The following MPP1 variants were observed in gnomAD, a reference collection of about 807,000 sequenced individuals.
The protein encoded by MPP1 is MAGUK p55 scaffold protein 1, also known as 55 kDa erythrocyte membrane protein.
Under a neutral mutation model 38.2 loss-of-function variants are expected in MPP1, and 6 were observed. The ratio of observed to expected loss-of-function variants is 0.16; its 90% CI spans 0.09 to 0.31. The LOEUF (loss-of-function observed/expected upper bound fraction) is 0.31. Among genes scored for constraint, MPP1 ranks in the 10% least tolerant of loss-of-function variants. The probability of loss-of-function intolerance (pLI) is 1.00; values close to 1 mark genes in which losing one functional copy is unlikely to be tolerated. For synonymous variants in MPP1, 153 were observed against 146.3 expected, an observed-to-expected ratio of 1.05 and a Z score of -0.33; for missense variants, 293 against 368.9, an observed-to-expected ratio of 0.79 and a Z score of 1.69.
intron 1 of MPP1, among the ~76,000 whole-genome samples, chrX:154,803,066 T>C (rs1344034913): frequency 1.8e-5 from 2 of 112,058 alleles, no homozygotes; most frequent in Non-Finnish European, 3.8e-5. Flanking sequence ...CTCATGTAAA[T>C]GTTGCCACAA....
At chrX:154,788,376 C>A (rs782061327) in intron 5 of MPP1, among the ~76,000 whole-genome samples, 58 of 111,190 alleles carry the variant, frequency 5.2e-4, no homozygotes, top group African/African-American at 1.8e-3. Flanking sequence ...AAGAGGATAT[C>A]CAAGTGGAAA....
chrX:154,798,610 C>T (rs1333118061), intron 1 of MPP1, among the ~76,000 whole-genome samples: 3 of 111,957 alleles, frequency 2.7e-5, no homozygotes, highest in East Asian at 2.8e-4. Flanking sequence ...CAAGGAGTTG[C>T]GGGGATGGGG....
chrX:154,779,179 A>C lies in MPP1; in HGVS notation c.1399T>G (p.Ter467GluextTer23), dbSNP rs1044348220. The change falls in exon 12 of 12, where the codon TAA (stop) becomes GAA (glutamate). Residue 467 changes from the stop codon to glutamate (E), a stop_lost. Transcript: ENST00000369534. ...GTGGGTTCCCCCATTCTACAAGCTT[A>C]GTAAACCCAGGAGACAGGCACCCAC... ...PQWVPVSWVY* is the reference protein window; with the variant it reads ...PQWVPVSWVYE 3 of 1,207,047 alleles carry C rather than the reference A, an allele frequency of 2.5e-6. No individual in the cohort carries two copies. The South Asian group carries it at 5.4e-5, about 22-fold the overall frequency.
chrX:154,780,724 G>C (rs1208705158), intron 11 of MPP1, among the ~76,000 whole-genome samples: 1 of 111,509 alleles, frequency 9.0e-6, no homozygotes, highest in East Asian at 2.8e-4. Context: ...AGCAGCTATA[G>C]AGAAAAAGAG....
chrX:154,798,362 A>G (rs1255227006), intron 1 of MPP1, among the ~76,000 whole-genome samples: 1 of 112,541 alleles, frequency 8.9e-6, no homozygotes, highest in Admixed American at 9.4e-5. Context: ...CAAAATCTAT[A>G]AAGAACCAAA....
At chrX:154,783,403 C>T in intron 9 of MPP1, 24 bp downstream of exon 9, 1 of 1,168,131 alleles carries the variant, frequency 8.6e-7, no homozygotes, top group Non-Finnish European at 1.2e-6. Context: ...CACCTCCCCT[C>T]CAAGGTGCCT....
At chrX:154,794,100 G>A (rs2072170407) in intron 1 of MPP1, among the ~76,000 whole-genome samples, 1 of 111,669 alleles carries the variant, frequency 9.0e-6, no homozygotes, top group South Asian at 3.7e-4. Context: ...GGAATTCCAG[G>A]AAAGTAGTGG....
Position 154,792,722 on chromosome X carries a change from G to C in MPP1, c.103-437C>G, listed in dbSNP as rs1429913183. Among the ~76,000 whole-genome samples the C allele has an allele frequency of 5.4e-5, 6 of 110,685 alleles. No homozygotes were observed. The East Asian group carries it at 1.1e-3, about 21-fold the overall frequency. On this transcript the variant is annotated intron_variant, in intron 1 of 11. Transcript: ENST00000369534. ...TTTCTGGCATGTTCTCTTCTCCTTTGTATTTCCTTGAACAACCTGATGCTC... is the reference window on the plus strand; with the variant it reads ...TTTCTGGCATGTTCTCTTCTCCTTTCTATTTCCTTGAACAACCTGATGCTC...
chrX:154,792,398 TGGCC>T, intron 1 of MPP1, 113 bp from the exon 2 acceptor site: 1 of 925,863 alleles, frequency 1.1e-6, no homozygotes, highest in Non-Finnish European at 1.5e-6. Flanking sequence ...TTCATAAGTT[TGGCC>T]TCATTCTTAT....
rs1250959755 is a variant in MPP1, at chrX:154,778,765, T to G, written c.*412A>C. ...CATTCTATTGCACAGATGTGTCATT[T>G]TGGCATTATAGAAAGTTGCAGTTAA... On this transcript the variant is annotated 3_prime_UTR_variant, in exon 12 of 12. Coordinates refer to ENST00000369534, the MANE Select transcript of MPP1 (RefSeq NM_002436.4). 1.5e-5 allele frequency: 2 copies of G among 133,010 alleles called. No homozygotes were observed. Among genetic ancestry groups the G allele is most frequent in the African/African-American group, 6.3e-5 (2 of 31,829 alleles). 11.0% of individuals were successfully genotyped at this position (133,010 alleles called of 1,213,427 possible). A position where few individuals can be genotyped will look rare whatever the true frequency, so the allele number is the denominator to read the frequency against.
chrX:154,793,612 AT>A (rs1269462259), intron 1 of MPP1, among the ~76,000 whole-genome samples: 2 of 111,984 alleles, frequency 1.8e-5, no homozygotes, highest in African/African-American at 3.2e-5. Context: ...TCACTATAAA[AT>A]TCTTTCATCT....
At chrX:154,784,638 C>T in intron 7 of MPP1, 1 of 249,112 alleles carries the variant, frequency 4.0e-6, no homozygotes, top group Non-Finnish European at 7.5e-6. Flanking sequence ...AGATGGAAAG[C>T]TGACCGTGCG....
intron 1 of MPP1, among the ~76,000 whole-genome samples, chrX:154,800,194 CT>C (rs782249852): frequency 8.9e-6 from 1 of 112,338 alleles, no homozygotes; most frequent in Admixed American, 9.4e-5. Flanking sequence ...TCCTATTCCA[CT>C]TTGGGAAAAA....
At position 154,781,539 on chromosome X, in the gene MPP1, T is replaced by C. The variant is rs1466633467; in HGVS notation, c.1149+61A>G. 18 of 1,126,346 alleles carry C rather than the reference T, an allele frequency of 1.6e-5. No individual in the cohort carries two copies. The Admixed American group carries it at 3.5e-4, about 22-fold the overall frequency. The allele number at this position is 1,126,346 out of a possible 1,213,427, so 92.8% of individuals were successfully genotyped here. A position where few individuals can be genotyped will look rare whatever the true frequency, so the allele number is the denominator to read the frequency against. On this transcript the variant is annotated intron_variant, in intron 10 of 11. Coordinates refer to ENST00000369534, the MANE Select transcript of MPP1 (RefSeq NM_002436.4). ...CCCCCAGAAGATTCCCAAGGAGCAC[T>C]GTCTTCGCCATCCCTTGTGTGGCTG...
At chrX:154,799,679 G>A (rs1557268454) in intron 1 of MPP1, 1 of 1,090,337 alleles carries the variant, frequency 9.2e-7, no homozygotes, top group African/African-American at 1.8e-5. Flanking sequence ...TGACAAGGCA[G>A]GGCGGAAGTG....
At position 154,783,489 on chromosome X, in the gene MPP1, C is replaced by T. The variant is rs2072032802; in HGVS notation, c.884G>A (p.Arg295His). Residue 295 changes from arginine to histidine, a missense_variant, in exon 9 of 12, where the codon CGC becomes CAC. Transcript: ENST00000369534. Reference protein sequence around the residue: ...LVLIGASGVGRSHIKNALLSQ... With the variant: ...LVLIGASGVGHSHIKNALLSQ... ...GAGCAGGGCATTCTTAATGTGGCTGCGACCCACCCCACTGGCTCCTGTGTA... is the reference window on the plus strand; with the variant it reads ...GAGCAGGGCATTCTTAATGTGGCTGTGACCCACCCCACTGGCTCCTGTGTA... The T allele has an allele frequency of 8.3e-7, 1 of 1,205,642 alleles. No individual in the cohort carries two copies. The highest frequency in any genetic ancestry group is 1.8e-5 in the African/African-American group (1 of 56,794).
intron 3 of MPP1, 152 bp from the exon 4 acceptor site, chrX:154,791,220 T>C (rs781910911): frequency 9.9e-6 from 5 of 504,106 alleles, no homozygotes; most frequent in African/African-American, 4.7e-5. Context: ...ACATTTGACT[T>C]GACAGTTTAA....
At chrX:154,799,924 T>G in intron 1 of MPP1, 23 of 1,077,895 alleles carry the variant, frequency 2.1e-5, no homozygotes, top group East Asian at 1.2e-4. Context: ...AAAAACAAAC[T>G]TGGCGGGGGG....
chrX:154,785,278 A>C, intron 6 of MPP1, 121 bp from the exon 7 acceptor site: 1 of 506,705 alleles, frequency 2.0e-6, no homozygotes. Context: ...GTGGGAGATA[A>C]TGTGTGCAAA....
Sources: gnomAD v4.1 joint callset for allele counts (sites outside exome capture counted in the v4.1 genomes callset) on GRCh38, gnomAD v4.1.1 for gene constraint, MANE v1.5 for transcripts, NCBI Gene and HGNC (gene_info 2026-07-23, HGNC 2026-07-21) for gene names.